The following SPOCK3 variants were observed in gnomAD, a reference collection of about 807,000 sequenced individuals.
SPOCK3 encodes the protein testican-3.
Under a neutral mutation model 56.6 loss-of-function variants are expected in SPOCK3, and 30 were observed. The observed-to-expected ratio is 0.53, with a 90% CI of 0.40 to 0.72. The LOEUF (loss-of-function observed/expected upper bound fraction) is 0.72, where lower values mean the gene tolerates loss of function less well. Ranked by LOEUF, SPOCK3 falls within the 30% of genes least tolerant of loss-of-function variation. The pLI is 0.00. For synonymous variants in SPOCK3, 196 were observed against 183.3 expected, an observed-to-expected ratio of 1.07 and a Z score of -0.56; for missense variants, 527 against 530.0, an observed-to-expected ratio of 0.99 and a Z score of 0.06.
chr4:166,813,690 G>A (rs1163653260), intron 6 of SPOCK3, among the ~76,000 whole-genome samples: 2 of 151,516 alleles, frequency 1.3e-5, no homozygotes, highest in South Asian at 2.1e-4. Context: ...TGCATATAGA[G>A]GAGTCTTCAG....
intron 6 of SPOCK3, among the ~76,000 whole-genome samples, chr4:166,842,133 T>C (rs982181768): frequency 2.0e-5 from 3 of 152,100 alleles, no homozygotes; most frequent in African/African-American, 4.8e-5. Context: ...TTGCAGTGAG[T>C]GTTATAGCTC....
chr4:166,773,834 T>C (rs1387454188), intron 7 of SPOCK3, among the ~76,000 whole-genome samples: 2 of 152,182 alleles, frequency 1.3e-5, no homozygotes, highest in African/African-American at 4.8e-5. Context: ...AACTAGTATA[T>C]TGATCACACC....
chr4:167,230,217 T>C (rs1047051396), intron 2 of SPOCK3, among the ~76,000 whole-genome samples: 1 of 151,920 alleles, frequency 6.6e-6, no homozygotes, highest in African/African-American at 2.4e-5. Flanking sequence ...TACTAAGTAA[T>C]TCATTGGTTC....
At chr4:167,039,141 T>C (rs1251219138) in intron 3 of SPOCK3, among the ~76,000 whole-genome samples, 1 of 152,164 alleles carries the variant, frequency 6.6e-6, no homozygotes, top group Non-Finnish European at 1.5e-5. Context: ...TTGGTGTTCC[T>C]TGCTTCCCTC....
Position 167,218,129 on chromosome 4 carries a change from G to A in SPOCK3, c.189+15856C>T, listed in dbSNP as rs182867279. 5.9e-5 allele frequency among the ~76,000 whole-genome samples: 9 copies of A among 152,190 alleles called. No homozygotes were observed. In the East Asian group the frequency reaches 1.7e-3, roughly 29 times the overall value. ...CTGCTACAAGAACAAGCTTTCTTATGTTTCTAACATGGCACATTTCTGAAT... is the reference window on the plus strand; with the variant it reads ...CTGCTACAAGAACAAGCTTTCTTATATTTCTAACATGGCACATTTCTGAAT... On this transcript the variant is annotated intron_variant, in intron 2 of 10. Transcript: ENST00000357545.
Position 167,210,305 on chromosome 4 carries a change from T to C in SPOCK3, c.189+23680A>G, listed in dbSNP as rs75604058. 9.4e-3 allele frequency among the ~76,000 whole-genome samples: 1,429 copies of C among 152,280 alleles called. 9 individuals are homozygous for C. Among genetic ancestry groups the C allele is most frequent in the Non-Finnish European group, 0.014 (949 of 68,016 alleles). ...TCATCAAAACACAGATTGAGTGTCA[T>C]GGACTCTGTGAGGCCTTCATTGAAT... is the stretch of plus-strand genomic sequence containing the variant. On this transcript the variant is annotated intron_variant, in intron 2 of 10. Coordinates refer to ENST00000357545, the MANE Select transcript of SPOCK3 (RefSeq NM_001040159.2).
intron 3 of SPOCK3, among the ~76,000 whole-genome samples, chr4:167,028,011 C>T (rs1312834559): frequency 2.0e-5 from 3 of 151,806 alleles, no homozygotes; most frequent in Non-Finnish European, 4.4e-5. Context: ...CTTCCTGTCC[C>T]CTTATTTTAT....
intron 8 of SPOCK3, among the ~76,000 whole-genome samples, chr4:166,742,989 T>C (rs1440715197): frequency 6.6e-6 from 1 of 152,172 alleles, no homozygotes; most frequent in Non-Finnish European, 1.5e-5. Context: ...GCGTACGTTA[T>C]ATGTCAATAT....
intron 6 of SPOCK3, among the ~76,000 whole-genome samples, chr4:166,846,793 C>G (rs2126855266): frequency 6.6e-6 from 1 of 151,936 alleles, no homozygotes; most frequent in East Asian, 1.9e-4. Flanking sequence ...TTTCAATAGC[C>G]TAACAGAATA....
intron 6 of SPOCK3, among the ~76,000 whole-genome samples, chr4:166,827,917 A>C (rs1745650921): frequency 6.6e-6 from 1 of 151,998 alleles, no homozygotes; most frequent in Admixed American, 6.6e-5. Context: ...TATGCCTCAT[A>C]TATTACAGAG....
chr4:167,191,829 T>C (rs1413814772), intron 2 of SPOCK3, among the ~76,000 whole-genome samples: 1 of 145,486 alleles, frequency 6.9e-6, no homozygotes, highest in Non-Finnish European at 1.5e-5. Context: ...TTGATAGAAG[T>C]GATAAAAGTG....
chr4:167,104,428 A>G (rs1001714792), intron 2 of SPOCK3, among the ~76,000 whole-genome samples: 1 of 152,206 alleles, frequency 6.6e-6, no homozygotes, highest in Non-Finnish European at 1.5e-5. Context: ...GGAGTTGAAA[A>G]AATGCAATTG....
At chr4:166,974,761 T>C (rs1052802532) in intron 4 of SPOCK3, among the ~76,000 whole-genome samples, 2 of 152,232 alleles carry the variant, frequency 1.3e-5, no homozygotes, top group African/African-American at 4.8e-5. Flanking sequence ...TAATATTCAG[T>C]ACTTGCTAAA....
intron 4 of SPOCK3, among the ~76,000 whole-genome samples, chr4:166,956,731 C>T (rs1229280755): frequency 6.6e-6 from 1 of 152,060 alleles, no homozygotes; most frequent in Non-Finnish European, 1.5e-5. Context: ...AGCCCACTCC[C>T]TCTCATACCC....
At chr4:167,039,937 C>T (rs1753105547) in intron 3 of SPOCK3, among the ~76,000 whole-genome samples, 1 of 152,120 alleles carries the variant, frequency 6.6e-6, no homozygotes, top group African/African-American at 2.4e-5. Context: ...TCTTGGAATT[C>T]TTTTGGGCTT....
intron 6 of SPOCK3, among the ~76,000 whole-genome samples, chr4:166,873,980 A>G (rs1732786175): frequency 6.6e-6 from 1 of 152,182 alleles, no homozygotes; most frequent in Admixed American, 6.5e-5. Context: ...TCGTGTGTAC[A>G]TGCACCTTGT....
intron 3 of SPOCK3, among the ~76,000 whole-genome samples, chr4:167,047,195 T>C (rs1753815562): frequency 6.6e-6 from 1 of 152,188 alleles, no homozygotes; most frequent in Non-Finnish European, 1.5e-5. Context: ...AAAGTAGAGC[T>C]TGAGTTTGAT....
intron 8 of SPOCK3, among the ~76,000 whole-genome samples, chr4:166,753,182 C>T (rs1364996971): frequency 1.3e-5 from 2 of 151,778 alleles, no homozygotes; most frequent in African/African-American, 4.8e-5. Flanking sequence ...AAATATGCTA[C>T]CATAACACCA....
At chr4:166,955,378 C>T (rs549676733) in intron 4 of SPOCK3, among the ~76,000 whole-genome samples, 2 of 150,106 alleles carry the variant, frequency 1.3e-5, no homozygotes, top group Non-Finnish European at 3.0e-5. Context: ...TTAAACAGGG[C>T]TCTATGCATT....
Sources: gnomAD v4.1 joint callset for allele counts (sites outside exome capture counted in the v4.1 genomes callset) on GRCh38, gnomAD v4.1.1 for gene constraint, MANE v1.5 for transcripts, NCBI Gene and HGNC (gene_info 2026-07-23, HGNC 2026-07-21) for gene names.